The following TMEM132B variants were observed in gnomAD, a reference collection of about 807,000 sequenced individuals.
TMEM132B encodes the protein transmembrane protein 132B.
A neutral mutation model predicts 90.8 loss-of-function variants in TMEM132B; 18 were observed. That is an observed-to-expected ratio of 0.20 (90% CI 0.14 to 0.29). The LOEUF (loss-of-function observed/expected upper bound fraction) is 0.29. Ranked by LOEUF, TMEM132B falls within the 10% of genes least tolerant of loss-of-function variation. The pLI is 1.00. For missense variants in TMEM132B, 1,096 were observed against 1,326.8 expected (o/e 0.83, Z 2.70); for synonymous variants, 504 against 523.3 (o/e 0.96, Z 0.50).
At chr12:125,273,166 A>G (rs955361964) in intron 1 of TMEM132B, among the ~76,000 whole-genome samples, 1 of 152,092 alleles carries the variant, frequency 6.6e-6, no homozygotes, top group African/African-American at 2.4e-5. Context: ...ATATATCTCT[A>G]TTTATCTCTC....
chr12:125,225,697 G>A (rs542857952), intron 1 of TMEM132B, among the ~76,000 whole-genome samples: 10 of 152,260 alleles, frequency 6.6e-5, no homozygotes, highest in African/African-American at 2.2e-4. Flanking sequence ...CTTTCATCTT[G>A]CAGCTCACTT....
intron 1 of TMEM132B, among the ~76,000 whole-genome samples, chr12:125,330,664 A>G (rs1304540550): frequency 1.3e-5 from 2 of 152,208 alleles, no homozygotes; most frequent in Non-Finnish European, 2.9e-5. Context: ...TATGTATCAA[A>G]AGCTTTAAAA....
At chr12:125,567,821 TA>T (rs1325447022) in intron 4 of TMEM132B, among the ~76,000 whole-genome samples, 1 of 152,244 alleles carries the variant, frequency 6.6e-6, no homozygotes, top group Non-Finnish European at 1.5e-5. Context: ...GAAATGTTTT[TA>T]ACAGGTTACA....
chr12:125,503,678 C>T (rs1882755875), intron 3 of TMEM132B, among the ~76,000 whole-genome samples: 1 of 152,156 alleles, frequency 6.6e-6, no homozygotes, highest in South Asian at 2.1e-4. Flanking sequence ...TGTCCTGGAC[C>T]ATCTTATTAT....
intron 3 of TMEM132B, among the ~76,000 whole-genome samples, chr12:125,509,488 C>G (rs1313469329): frequency 6.6e-6 from 1 of 152,084 alleles, no homozygotes; most frequent in Non-Finnish European, 1.5e-5. Context: ...ATCAAATGTT[C>G]TAGATGCAGA....
At chr12:125,578,019 C>T (rs536452916) in intron 4 of TMEM132B, among the ~76,000 whole-genome samples, 70 of 152,152 alleles carry the variant, frequency 4.6e-4, no homozygotes, top group African/African-American at 1.6e-3. Flanking sequence ...AATGGCCTGA[C>T]CTGTGGTATG....
Position 125,213,984 on chromosome 12 carries a change from T to C in TMEM132B, c.67+27118T>C, listed in dbSNP as rs1565976531. On this transcript the variant is annotated intron_variant, in intron 1 of 8. Coordinates refer to ENST00000682704, the MANE Select transcript of TMEM132B (RefSeq NM_001366854.1). This position sits in a 1 kb window ranked among gnomAD's most constrained non-coding sequence, Gnocchi z 4.2. ...TGCCAGGGCACATAAGTTTGGGGGA[T>C]AGAGAGAACAATAGTACCCCTTCGT... Among the ~76,000 whole-genome samples the C allele has an allele frequency of 6.6e-6, 1 of 152,210 alleles. No individual in the cohort carries two copies. Among genetic ancestry groups the C allele is most frequent in the African/African-American group, 2.4e-5 (1 of 41,460 alleles).
chr12:125,338,966 T>A (rs1877073810), intron 1 of TMEM132B, among the ~76,000 whole-genome samples: 1 of 152,230 alleles, frequency 6.6e-6, no homozygotes, highest in Non-Finnish European at 1.5e-5. Context: ...AAGCAGCACA[T>A]GTTCATTCTA....
At chr12:125,616,375 A>G (rs1020696162) in intron 5 of TMEM132B, among the ~76,000 whole-genome samples, 1 of 152,152 alleles carries the variant, frequency 6.6e-6, no homozygotes, top group Non-Finnish European at 1.5e-5. Flanking sequence ...AAGAGGTTAT[A>G]GGAGAGGCAG....
At chr12:125,443,720 G>C (rs945854669) in intron 3 of TMEM132B, among the ~76,000 whole-genome samples, 3 of 152,108 alleles carry the variant, frequency 2.0e-5, no homozygotes, top group Non-Finnish European at 2.9e-5. Flanking sequence ...AGCTATGGTA[G>C]TTACATTTTT....
intron 3 of TMEM132B, among the ~76,000 whole-genome samples, chr12:125,419,153 C>A (rs772574410): frequency 6.6e-6 from 1 of 152,172 alleles, no homozygotes; most frequent in African/African-American, 2.4e-5. Flanking sequence ...AGAGGATAGG[C>A]AAGCAAAAGC....
At chr12:125,571,739 G>A (rs1228428856) in intron 4 of TMEM132B, among the ~76,000 whole-genome samples, 1 of 152,148 alleles carries the variant, frequency 6.6e-6, no homozygotes, top group Admixed American at 6.5e-5. Context: ...TTAATGAACT[G>A]CTTGAGAGTA....
intron 3 of TMEM132B, among the ~76,000 whole-genome samples, chr12:125,501,920 A>G (rs1319890203): frequency 6.6e-6 from 1 of 152,208 alleles, no homozygotes; most frequent in Non-Finnish European, 1.5e-5. Context: ...CAGGTGTAGC[A>G]TTGATTTTCC....
Position 125,222,858 on chromosome 12 carries a change from T to C in TMEM132B, c.67+35992T>C, listed in dbSNP as rs144256991. Among the ~76,000 whole-genome samples, 416 of 152,342 alleles carry C rather than the reference T, an allele frequency of 2.7e-3. 1 individual carries two copies. Among genetic ancestry groups the C allele is most frequent in the African/African-American group, 9.3e-3 (386 of 41,594 alleles). ...TCCCTGGGGGGCAAGATTGCCCCCATTGGAGAACTCAATGGTCTAGGGTAA... is the reference window on the plus strand; with the variant it reads ...TCCCTGGGGGGCAAGATTGCCCCCACTGGAGAACTCAATGGTCTAGGGTAA... On this transcript the variant is annotated intron_variant, in intron 1 of 8. Coordinates refer to ENST00000682704, the MANE Select transcript of TMEM132B (RefSeq NM_001366854.1).
intron 5 of TMEM132B, among the ~76,000 whole-genome samples, chr12:125,633,981 A>G (rs1373522212): frequency 1.3e-5 from 2 of 152,186 alleles, no homozygotes; most frequent in Non-Finnish European, 2.9e-5. Flanking sequence ...AGCAGGTGGC[A>G]AAGTCAGCCA....
chr12:125,605,331 G>A (rs925531766), intron 5 of TMEM132B, among the ~76,000 whole-genome samples: 3 of 152,150 alleles, frequency 2.0e-5, no homozygotes, highest in African/African-American at 7.2e-5. Context: ...TTAACCGGCT[G>A]AGCTGGACCA....
intron 2 of TMEM132B, among the ~76,000 whole-genome samples, chr12:125,404,771 A>G (rs1373420869): frequency 6.6e-6 from 1 of 152,124 alleles, no homozygotes; most frequent in Non-Finnish European, 1.5e-5. Flanking sequence ...TTCTCTCTCC[A>G]TCACCTTCCT....
chr12:125,606,977 C>G (rs1372100410), intron 5 of TMEM132B, among the ~76,000 whole-genome samples: 1 of 152,128 alleles, frequency 6.6e-6, no homozygotes, highest in South Asian at 2.1e-4. Context: ...AAAGGCCCAC[C>G]CAGTCAGCTC....
intron 2 of TMEM132B, among the ~76,000 whole-genome samples, chr12:125,385,773 CATA>C (rs1878812593): frequency 6.6e-6 from 1 of 152,194 alleles, no homozygotes; most frequent in African/African-American, 2.4e-5. Context: ...ATCAGTGTTA[CATA>C]ATATTTCTCA....
Sources: gnomAD v4.1 joint callset for allele counts (sites outside exome capture counted in the v4.1 genomes callset) on GRCh38, gnomAD v4.1.1 for gene constraint, Gnocchi (gnomAD v3.1) non-coding constraint, MANE v1.5 for transcripts, NCBI Gene and HGNC (gene_info 2026-07-23, HGNC 2026-07-21) for gene names.